Variants in FOXN3 observed in about 807,000 individuals in gnomAD.
FOXN3 encodes forkhead box N3, also known as forkhead box protein N3.
A neutral mutation model predicts 38.4 loss-of-function variants in FOXN3; 7 were observed. The ratio of observed to expected loss-of-function variants is 0.18; its 90% CI spans 0.10 to 0.34. The LOEUF is 0.34. Ranked by LOEUF, FOXN3 falls within the 10% of genes least tolerant of loss-of-function variation. FOXN3 has a pLI of 1.00. For missense variants in FOXN3, 456 were observed against 613.4 expected (o/e 0.74, Z 2.71); for synonymous variants, 230 against 242.2 (o/e 0.95, Z 0.47).
rs1157998619 is a variant in FOXN3, at chr14:89,546,329, C to CTTTTT, written c.-15+72694_-15+72698dup. Among the ~76,000 whole-genome samples the CTTTTT allele has an allele frequency of 1.4e-4, 11 of 78,332 alleles. 1 individual carries two copies. Among genetic ancestry groups the CTTTTT allele is most frequent in the African/African-American group, 2.7e-4 (5 of 18,584 alleles). The allele number at this position is 78,332 out of a possible 152,430, so 51.4% of individuals were successfully genotyped here. ...TAGCTTCTTTTCTTTTTTCCTTTTT[C>CTTTTT]TTTTTTTTTTTTTTTTTTTGAGATG... On this transcript the variant is annotated intron_variant, in intron 1 of 6. Transcript: ENST00000345097.
chr14:89,453,148 G>A (rs977752274), intron 1 of FOXN3, among the ~76,000 whole-genome samples: 6 of 152,084 alleles, frequency 3.9e-5, no homozygotes, highest in East Asian at 1.9e-4. Flanking sequence ...GCAGCGAGCC[G>A]AGACGGCGCC....
intron 4 of FOXN3, among the ~76,000 whole-genome samples, chr14:89,205,771 C>T (rs559871063): frequency 1.3e-5 from 2 of 152,326 alleles, no homozygotes; most frequent in East Asian, 1.9e-4. Context: ...ACCGGGGCTT[C>T]GGGAGCTGTA....
intron 4 of FOXN3, among the ~76,000 whole-genome samples, chr14:89,209,641 A>G (rs1409134037): frequency 1.3e-5 from 2 of 152,238 alleles, no homozygotes; most frequent in African/African-American, 4.8e-5. Context: ...ATTTGTAAAC[A>G]CTTCTTTATT....
intron 3 of FOXN3, among the ~76,000 whole-genome samples, chr14:89,288,625 A>T (rs1294249866): frequency 1.3e-5 from 2 of 148,608 alleles, no homozygotes; most frequent in Non-Finnish European, 3.0e-5. Flanking sequence ...AAGATATTTT[A>T]AAAATGGAAA....
intron 2 of FOXN3, among the ~76,000 whole-genome samples, chr14:89,388,022 A>C (rs1349096745): frequency 6.6e-6 from 1 of 152,190 alleles, no homozygotes; most frequent in African/African-American, 2.4e-5. Context: ...GTCTCTACTA[A>C]AAATACAAAA....
At chr14:89,264,140 C>A (rs1243055698) in intron 4 of FOXN3, 2 of 152,312 alleles carry the variant, frequency 1.3e-5, no homozygotes, top group Non-Finnish European at 2.9e-5. Flanking sequence ...TGAGGAGCCC[C>A]CCTCTTGTCC....
At chr14:89,553,238 CA>C (rs146581490) in intron 1 of FOXN3, among the ~76,000 whole-genome samples, 20,382 of 78,732 alleles carry the variant, frequency 0.26, 1,273 homozygotes, top group East Asian at 0.36. Context: ...GACCCTGTCC[CA>C]AAAAAAAAAA....
In FOXN3 at chr14:89,533,352, T is replaced by A. The variant is rs558243846; in HGVS notation, c.-15+85676A>T. Among the ~76,000 whole-genome samples, 25 of 152,268 alleles carry A rather than the reference T, an allele frequency of 1.6e-4. No homozygotes were observed. The East Asian group carries it at 4.6e-3, about 28-fold the overall frequency. On this transcript the variant is annotated intron_variant, in intron 1 of 6. Transcript: ENST00000345097. ...TCCAGGGGCCAGCATCATCCTCACC[T>A]GGAGGTGCACTGTCAGATATGCAGA...
chr14:89,510,402 G>A (rs1894033783), intron 1 of FOXN3, among the ~76,000 whole-genome samples: 1 of 152,148 alleles, frequency 6.6e-6, no homozygotes, highest in Non-Finnish European at 1.5e-5. Context: ...ATCTGCCAGG[G>A]AGCCAGCCCT....
intron 3 of FOXN3, among the ~76,000 whole-genome samples, chr14:89,341,021 A>C (rs1454292117): frequency 6.6e-6 from 1 of 152,138 alleles, no homozygotes; most frequent in Non-Finnish European, 1.5e-5. Context: ...CATGTTGCAG[A>C]GGGATATGCC....
At chr14:89,542,129 C>T (rs1413834327) in intron 1 of FOXN3, among the ~76,000 whole-genome samples, 4 of 152,120 alleles carry the variant, frequency 2.6e-5, no homozygotes, top group African/African-American at 9.7e-5. Context: ...AGAGGAGGAA[C>T]GCATCCACCC....
At chr14:89,249,629 A>G (rs1164288689) in intron 4 of FOXN3, among the ~76,000 whole-genome samples, 5 of 152,238 alleles carry the variant, frequency 3.3e-5, no homozygotes, top group African/African-American at 7.2e-5. Context: ...GCAAGCACCT[A>G]TGATACGCCA....
chr14:89,501,101 T>G (rs1893789399), intron 1 of FOXN3, among the ~76,000 whole-genome samples: 1 of 152,152 alleles, frequency 6.6e-6, no homozygotes, highest in African/African-American at 2.4e-5. Context: ...TATCTAGCCA[T>G]CGAGGAAGTG....
intron 2 of FOXN3, among the ~76,000 whole-genome samples, chr14:89,394,037 G>A (rs562074118): frequency 1.3e-5 from 2 of 152,160 alleles, no homozygotes; most frequent in Admixed American, 1.3e-4. Flanking sequence ...GGTGGGAAGT[G>A]GAAGGGCAAA....
chr14:89,322,085 T>A (rs1887913539), intron 3 of FOXN3, among the ~76,000 whole-genome samples: 1 of 152,228 alleles, frequency 6.6e-6, no homozygotes, highest in South Asian at 2.1e-4. Context: ...GGGCCACAGT[T>A]GCCTTAAAGT....
At chr14:89,188,516 G>T (rs1210563339) in intron 4 of FOXN3, among the ~76,000 whole-genome samples, 3 of 152,174 alleles carry the variant, frequency 2.0e-5, no homozygotes, top group African/African-American at 7.2e-5. Context: ...TGAGGTCCCA[G>T]AAGAGACAGA....
intron 1 of FOXN3, among the ~76,000 whole-genome samples, chr14:89,561,576 T>C (rs1433966401): frequency 1.3e-5 from 2 of 152,226 alleles, no homozygotes; most frequent in African/African-American, 2.4e-5. Context: ...CCAAAAATAC[T>C]TGAAAAAGAC....
At chr14:89,516,558 A>AGT in intron 1 of FOXN3, among the ~76,000 whole-genome samples, 1 of 88,410 alleles carries the variant, frequency 1.1e-5, no homozygotes, top group East Asian at 2.8e-4. Flanking sequence ...GGCTGCCAGT[A>AGT]GTTTTTTTTT....
At chr14:89,616,379 T>C (rs1047500721) in intron 1 of FOXN3, among the ~76,000 whole-genome samples, 1 of 152,216 alleles carries the variant, frequency 6.6e-6, no homozygotes, top group Non-Finnish European at 1.5e-5. Context: ...TCTATTTAAG[T>C]CAACTGGGTA....
Sources: gnomAD v4.1 joint callset for allele counts (sites outside exome capture counted in the v4.1 genomes callset) on GRCh38, gnomAD v4.1.1 for gene constraint, MANE v1.5 for transcripts, NCBI Gene and HGNC (gene_info 2026-07-23, HGNC 2026-07-21) for gene names.